Variants in SPANXN4 observed in about 807,000 individuals in gnomAD.
SPANXN4 encodes sperm protein associated with the nucleus on the X chromosome N4.
In SPANXN4, 5 loss-of-function variants were observed where a neutral mutation model predicts 6.0. The ratio of observed to expected loss-of-function variants is 0.83; its 90% CI spans 0.44 to 1.75. The LOEUF (loss-of-function observed/expected upper bound fraction) is 1.75. SPANXN4 is among the 40% of genes most tolerant of loss of function. SPANXN4 has a pLI of 0.02. For synonymous variants in SPANXN4, 45 were observed against 38.0 expected, an observed-to-expected ratio of 1.19 and a Z score of -0.68; for missense variants, 157 against 108.6, an observed-to-expected ratio of 1.45 and a Z score of -1.98.
downstream of SPANXN4, among the ~76,000 whole-genome samples, chrX:143,035,596 T>C (rs1288613464): frequency 9.0e-6 from 1 of 111,256 alleles, no homozygotes; most frequent in Non-Finnish European, 1.9e-5. Context: ...ATCATGTGTT[T>C]AATTTTTATT....
At chrX:143,038,086 A>T (rs1932852072), downstream of SPANXN4, among the ~76,000 whole-genome samples, 1 of 111,955 alleles carries the variant, frequency 8.9e-6, no homozygotes, top group Non-Finnish European at 1.9e-5. Flanking sequence ...AATGAATCCC[A>T]GTTGATTCTG....
At chrX:143,028,271 A>G (rs1932789178) in intron 1 of SPANXN4, among the ~76,000 whole-genome samples, 2 of 110,391 alleles carry the variant, frequency 1.8e-5, no homozygotes, top group Non-Finnish European at 1.9e-5. Flanking sequence ...GGAGTCTGCG[A>G]TTCAGACCCA....
chrX:143,031,778 C>T (rs752620146), intron 1 of SPANXN4, among the ~76,000 whole-genome samples: 38 of 88,498 alleles, frequency 4.3e-4, no homozygotes, highest in Non-Finnish European at 8.4e-4. Context: ...GGTTTGAGGG[C>T]CATCCTCCAG....
At chrX:143,034,407 C>G (rs1932832396) in intron 2 of SPANXN4, 96 bp downstream of exon 2, 1 of 1,059,775 alleles carries the variant, frequency 9.4e-7, no homozygotes, top group African/African-American at 1.9e-5. Context: ...GATCCTGTAG[C>G]ATTGGCGGAC....
chrX:143,035,248 C>T (rs1049237663), downstream of SPANXN4, among the ~76,000 whole-genome samples: 2 of 110,395 alleles, frequency 1.8e-5, no homozygotes, highest in African/African-American at 6.6e-5. Flanking sequence ...ATTTCCATGG[C>T]CCAGTTTTAT....
downstream of SPANXN4, among the ~76,000 whole-genome samples, chrX:143,035,054 C>T (rs1044986329): frequency 4.5e-5 from 4 of 88,533 alleles, no homozygotes; most frequent in African/African-American, 1.3e-4. Context: ...CCAGCATGGA[C>T]GACAGAGTGA....
intron 2 of SPANXN4, 78 bp downstream of exon 2, chrX:143,034,389 G>A (rs1246918246): frequency 3.4e-5 from 36 of 1,050,934 alleles, no homozygotes; most frequent in Non-Finnish European, 6.3e-6. Flanking sequence ...GAGAACGGAG[G>A]GATATGAGAT....
chrX:143,027,890 G>A (rs1015146432), intron 1 of SPANXN4, among the ~76,000 whole-genome samples: 11 of 110,913 alleles, frequency 9.9e-5, no homozygotes, highest in Admixed American at 3.8e-4. Flanking sequence ...TTTGGAAGGC[G>A]CCCTGCAGTC....
chrX:143,036,936 T>C (rs962332805), downstream of SPANXN4, among the ~76,000 whole-genome samples: 6 of 111,427 alleles, frequency 5.4e-5, no homozygotes, highest in African/African-American at 2.0e-4. Flanking sequence ...TACCCTTTTA[T>C]CCTTCTGCAC....
downstream of SPANXN4, among the ~76,000 whole-genome samples, chrX:143,035,463 T>A (rs2124372350): frequency 9.0e-6 from 1 of 110,987 alleles, no homozygotes; most frequent in Admixed American, 9.6e-5. Flanking sequence ...TCAGATATAT[T>A]TTTATATTAT....
chrX:143,038,082 T>A (rs1041141090), downstream of SPANXN4, among the ~76,000 whole-genome samples: 1 of 111,902 alleles, frequency 8.9e-6, no homozygotes. Flanking sequence ...ACATAATGAA[T>A]CCCAGTTGAT....
chrX:143,033,102 C>G (rs1487019215), intron 1 of SPANXN4, among the ~76,000 whole-genome samples: 1 of 111,643 alleles, frequency 9.0e-6, no homozygotes, highest in Non-Finnish European at 1.9e-5. Context: ...GGGAGATTCA[C>G]CCACTAACTG....
At chrX:143,026,059 C>A (rs1467141130) in exon 1 of SPANXN4, 1 of 1,208,428 alleles carries the variant, frequency 8.3e-7, no homozygotes, top group South Asian at 1.8e-5. Context: ...AAATGAAGAG[C>A]CCCTGTGAAT....
downstream of SPANXN4, among the ~76,000 whole-genome samples, chrX:143,035,960 C>T (rs995012055): frequency 2.7e-4 from 28 of 105,465 alleles, no homozygotes; most frequent in African/African-American, 8.7e-4. Context: ...CATTCTCCAC[C>T]TCTGTCTATT....
chrX:143,031,883 A>G (rs149447942), intron 1 of SPANXN4, among the ~76,000 whole-genome samples: 1,827 of 111,541 alleles, frequency 0.016, 13 homozygotes, highest in Middle Eastern at 0.023. Flanking sequence ...GGCTTTTGAA[A>G]GGCAGTAGAG....
exon 2 of SPANXN4, chrX:143,034,172 T>C (rs1932829861): frequency 8.5e-7 from 1 of 1,179,437 alleles, no homozygotes; most frequent in African/African-American, 1.8e-5. Context: ...TACAGAGAGC[T>C]CCACTGATCC....
At chrX:143,034,272 T>G (rs62601929) in intron 2 of SPANXN4, 369,765 of 1,120,129 alleles carry the variant, frequency 0.33, 42,854 homozygotes, top group Admixed American at 0.44. Context: ...TCATCACCAC[T>G]GATGGCGATG....
chrX:143,033,068 A>G (rs965726922), intron 1 of SPANXN4, among the ~76,000 whole-genome samples: 3 of 111,708 alleles, frequency 2.7e-5, no homozygotes, highest in African/African-American at 9.8e-5. Context: ...GCAGAAATAG[A>G]GAAAAATCTG....
At chrX:143,035,534 T>C (rs377510293), downstream of SPANXN4, among the ~76,000 whole-genome samples, 22 of 111,016 alleles carry the variant, frequency 2.0e-4, no homozygotes, top group East Asian at 6.2e-3. Context: ...GTCCATGTTT[T>C]GTTTAATTTA....
Sources: allele counts gnomAD v4.1 joint callset (sites outside exome capture counted in the v4.1 genomes callset), GRCh38; gene constraint gnomAD v4.1.1; transcripts MANE v1.5; gene names NCBI Gene and HGNC (gene_info 2026-07-23, HGNC 2026-07-21).